Variants in GTF2IRD1 observed in about 807,000 individuals in gnomAD.
GTF2IRD1 encodes the protein general transcription factor II-I repeat domain-containing protein 1.
A neutral mutation model predicts 113.2 loss-of-function variants in GTF2IRD1; 26 were observed. That is an observed-to-expected ratio of 0.23 (90% CI 0.17 to 0.32). The LOEUF (loss-of-function observed/expected upper bound fraction) is 0.32. GTF2IRD1 is among the 10% of genes least tolerant of loss of function. The pLI, the probability that GTF2IRD1 is intolerant of heterozygous loss-of-function variation, is 1.00. For synonymous variants in GTF2IRD1, 484 were observed against 529.1 expected, an observed-to-expected ratio of 0.91 and a Z score of 1.17; for missense variants, 864 against 1,280.8, an observed-to-expected ratio of 0.67 and a Z score of 4.97.
chr7:74,510,109 C>T (rs1182380953), intron 2 of GTF2IRD1, among the ~76,000 whole-genome samples: 2 of 152,014 alleles, frequency 1.3e-5, no homozygotes, highest in Admixed American at 6.6e-5. Context: ...GTGGGAGACA[C>T]CCCTGGAAAA....
At chr7:74,480,128 C>T (rs920803735) in intron 1 of GTF2IRD1, among the ~76,000 whole-genome samples, 120 of 152,250 alleles carry the variant, frequency 7.9e-4, no homozygotes, top group African/African-American at 2.3e-3. Flanking sequence ...CAGCTCAAAT[C>T]CTTGCACTGT....
In GTF2IRD1 at chr7:74,512,837, C is replaced by T. The variant is rs781866989; in HGVS notation, c.131C>T (p.Ala44Val). The change falls in exon 3 of 27, where the codon GCG becomes GTG. Residue 44 changes from alanine (A) to valine (V), a missense_variant. Around this residue, in one of 7 missense-constraint regions of GTF2IRD1, gnomAD observed 182 missense variants for 266.6 expected, o/e 0.68. Transcript: ENST00000424337. This position sits in a 1 kb window ranked among gnomAD's most constrained non-coding sequence, Gnocchi z 4.4. ...LVSALDSMCS[A>V]LSKLNAEVAC... The stretch of plus-strand genomic sequence containing the variant: ...AGCCTGCCCTTCCCACAGTGCTCAG[C>T]GCTGTCCAAACTGAACGCCGAGGTG... 6.8e-5 allele frequency: 109 copies of T among 1,613,766 alleles called. No individual in the cohort carries two copies. The highest frequency in any genetic ancestry group is 8.6e-5 in the Non-Finnish European group (101 of 1,179,880).
At chr7:74,564,199 G>T (rs1428993046) in intron 22 of GTF2IRD1, among the ~76,000 whole-genome samples, 1 of 152,024 alleles carries the variant, frequency 6.6e-6, no homozygotes, top group Admixed American at 6.6e-5. Context: ...GCTAATTTTT[G>T]TATTTTGAGT....
At chr7:74,572,225 G>A (rs777869273) in intron 22 of GTF2IRD1, among the ~76,000 whole-genome samples, 21 of 152,258 alleles carry the variant, frequency 1.4e-4, no homozygotes, top group Non-Finnish European at 2.2e-4. Flanking sequence ...CATGGGGAGG[G>A]ACTGAAGAGC....
chr7:74,483,957 T>C (rs1794881809), intron 1 of GTF2IRD1, among the ~76,000 whole-genome samples: 1 of 152,142 alleles, frequency 6.6e-6, no homozygotes, highest in South Asian at 2.1e-4. Context: ...CCAGGCCAGA[T>C]TTCTTGGTGG....
At chr7:74,462,725 A>G (rs1395764602) in intron 1 of GTF2IRD1, among the ~76,000 whole-genome samples, 20 of 151,936 alleles carry the variant, frequency 1.3e-4, no homozygotes, top group Non-Finnish European at 2.6e-4. Flanking sequence ...CCCACCCCCC[A>G]CATCAAGAGC....
intron 1 of GTF2IRD1, among the ~76,000 whole-genome samples, chr7:74,478,247 G>A (rs1352027436): frequency 6.6e-6 from 1 of 152,204 alleles, no homozygotes; most frequent in Non-Finnish European, 1.5e-5. Context: ...GGGACCTGAT[G>A]TCAGGGGTGG....
chr7:74,561,014 G>A (rs1223525924), intron 22 of GTF2IRD1, among the ~76,000 whole-genome samples: 9 of 152,104 alleles, frequency 5.9e-5, no homozygotes, highest in African/African-American at 2.2e-4. Context: ...CTGTCCCTGC[G>A]GGGCGACATG....
At position 74,512,082 on chromosome 7, in the gene GTF2IRD1, T is replaced by C. The variant is rs1324791647; in HGVS notation, c.124-748T>C. Among the ~76,000 whole-genome samples, 5 of 152,060 alleles carry C rather than the reference T, an allele frequency of 3.3e-5. No homozygotes were observed. Among genetic ancestry groups the C allele is most frequent in the African/African-American group, 1.2e-4 (5 of 41,402 alleles). On this transcript the variant is annotated intron_variant, in intron 2 of 26. Coordinates refer to ENST00000424337, the MANE Select transcript of GTF2IRD1 (RefSeq NM_005685.4). This position sits in a 1 kb window ranked among gnomAD's most constrained non-coding sequence, Gnocchi z 4.4. ...AGACGTGGAAACTGGCCACGCAGAG[T>C]GGCTCACGCCTGTAATCCCAGCACT... is the stretch of plus-strand genomic sequence containing the variant.
chr7:74,546,485 G>A lies in GTF2IRD1; in HGVS notation c.1733-618G>A, dbSNP rs140207155. On this transcript the variant is annotated intron_variant, in intron 16 of 26. Coordinates refer to ENST00000424337, the MANE Select transcript of GTF2IRD1 (RefSeq NM_005685.4). ...GATCTACCCACCTTGGCCTCCCAAAGTGCAGGGATTATAGGCTTGAGCCAC... is the reference window on the plus strand; with the variant it reads ...GATCTACCCACCTTGGCCTCCCAAAATGCAGGGATTATAGGCTTGAGCCAC... Among the ~76,000 whole-genome samples the A allele has an allele frequency of 5.0e-3, 763 of 152,212 alleles. 7 individuals are homozygous for A. The highest frequency in any genetic ancestry group is 0.017 in the African/African-American group (708 of 41,534).
intron 1 of GTF2IRD1, among the ~76,000 whole-genome samples, chr7:74,457,660 C>A (rs1306359203): frequency 6.6e-6 from 1 of 152,110 alleles, no homozygotes; most frequent in African/African-American, 2.4e-5. Flanking sequence ...TCTCTCAGTT[C>A]TCTGACTCTC....
intron 1 of GTF2IRD1, among the ~76,000 whole-genome samples, chr7:74,457,619 G>T (rs1419057124): frequency 6.6e-5 from 10 of 152,120 alleles, no homozygotes; most frequent in African/African-American, 2.2e-4. Flanking sequence ...TAACCCTGGG[G>T]GCTTTGCTCC....
intron 10 of GTF2IRD1, 118 bp downstream of exon 10, chr7:74,535,256 G>T (rs1798227353): frequency 1.2e-6 from 1 of 800,628 alleles, no homozygotes; most frequent in Admixed American, 1.8e-5. Context: ...CAGGGAGGGA[G>T]GCTGGGCTGT....
At chr7:74,536,974 G>T (rs1239609338) in intron 11 of GTF2IRD1, among the ~76,000 whole-genome samples, 53 of 152,100 alleles carry the variant, frequency 3.5e-4, no homozygotes, top group African/African-American at 1.3e-3. Context: ...AGCTGGGCGT[G>T]GTGGCTGGTA....
At chr7:74,587,805 G>C (rs1222004978) in intron 22 of GTF2IRD1, among the ~76,000 whole-genome samples, 1 of 152,100 alleles carries the variant, frequency 6.6e-6, no homozygotes, top group Non-Finnish European at 1.5e-5. Flanking sequence ...GACTCCAGCA[G>C]CTCCTCTAGG....
intron 22 of GTF2IRD1, among the ~76,000 whole-genome samples, chr7:74,568,382 C>T (rs1427786572): frequency 6.8e-6 from 1 of 148,054 alleles, no homozygotes; most frequent in Non-Finnish European, 1.5e-5. Context: ...GGCGTGGTGG[C>T]TCACGCCTAT....
intron 1 of GTF2IRD1, among the ~76,000 whole-genome samples, chr7:74,480,749 G>A (rs1794692795): frequency 6.6e-6 from 1 of 152,222 alleles, no homozygotes; most frequent in Non-Finnish European, 1.5e-5. Context: ...GCCGGCGGCG[G>A]CGGAGTCCCT....
chr7:74,525,408 C>T (rs1479524575), intron 8 of GTF2IRD1, among the ~76,000 whole-genome samples: 1 of 152,114 alleles, frequency 6.6e-6, no homozygotes, highest in Non-Finnish European at 1.5e-5. Context: ...TCCCTAGCAC[C>T]CAGGACAGAG....
chr7:74,473,993 G>A (rs570916661), intron 1 of GTF2IRD1, among the ~76,000 whole-genome samples: 1 of 151,908 alleles, frequency 6.6e-6, no homozygotes, highest in Admixed American at 6.6e-5. Flanking sequence ...GGAGGCCGAG[G>A]CGGGTGGATC....
Sources: gnomAD v4.1 joint callset for allele counts (sites outside exome capture counted in the v4.1 genomes callset) on GRCh38, gnomAD v4.1.1 for gene constraint, gnomAD v4.1.1 regional missense constraint, Gnocchi (gnomAD v3.1) non-coding constraint, MANE v1.5 for transcripts, NCBI Gene and HGNC (gene_info 2026-07-23, HGNC 2026-07-21) for gene names.